The following KANSL1L variants were observed in gnomAD, a reference collection of about 807,000 sequenced individuals.
KANSL1L encodes KAT8 regulatory NSL complex subunit 1 like.
KANSL1L carries 25 observed loss-of-function variants against 108.6 expected under a neutral mutation model. The observed-to-expected ratio is 0.23, with a 90% CI of 0.17 to 0.32. KANSL1L has a LOEUF of 0.32. Among genes scored for constraint, KANSL1L ranks in the 10% least tolerant of loss-of-function variants. The pLI is 1.00. For synonymous variants in KANSL1L, 405 were observed against 395.1 expected, an observed-to-expected ratio of 1.03 and a Z score of -0.30; for missense variants, 1,137 against 1,125.7, an observed-to-expected ratio of 1.01 and a Z score of -0.14.
intron 6 of KANSL1L, among the ~76,000 whole-genome samples, chr2:210,061,883 T>C (rs1203480977): frequency 6.6e-6 from 1 of 152,196 alleles, no homozygotes; most frequent in African/African-American, 2.4e-5. Context: ...ATCAAGCTTA[T>C]GAAAGATGTA....
intron 8 of KANSL1L, among the ~76,000 whole-genome samples, chr2:210,033,499 A>G (rs1414168625): frequency 1.3e-5 from 2 of 152,174 alleles, no homozygotes; most frequent in Non-Finnish European, 2.9e-5. Context: ...TTCTGAAAAC[A>G]TCAAATTTTG....
chr2:210,127,798 CAAAAAAAAA>C, intron 3 of KANSL1L, among the ~76,000 whole-genome samples: 1 of 28,132 alleles, frequency 3.6e-5, no homozygotes. Context: ...GACTCTGCCT[CAAAAAAAAA>C]AAAAAAAAAA....
At chr2:210,126,138 G>A (rs1042447920) in intron 3 of KANSL1L, among the ~76,000 whole-genome samples, 1 of 152,132 alleles carries the variant, frequency 6.6e-6, no homozygotes, top group Non-Finnish European at 1.5e-5. Flanking sequence ...AGATCACACA[G>A]AAGTCAGGTG....
intron 14 of KANSL1L, among the ~76,000 whole-genome samples, chr2:210,023,586 A>T (rs185772741): frequency 5.3e-5 from 8 of 152,254 alleles, no homozygotes; most frequent in Admixed American, 5.2e-4. Context: ...TCCATTCTAG[A>T]TCTAGTTCTT....
At chr2:210,148,323 C>T (rs2125620585) in intron 2 of KANSL1L, among the ~76,000 whole-genome samples, 1 of 152,160 alleles carries the variant, frequency 6.6e-6, no homozygotes, top group South Asian at 2.1e-4. Flanking sequence ...ATCATCATTC[C>T]CCAGGAAAAG....
At chr2:210,093,818 C>T (rs2125393730) in intron 5 of KANSL1L, among the ~76,000 whole-genome samples, 1 of 152,166 alleles carries the variant, frequency 6.6e-6, no homozygotes, top group South Asian at 2.1e-4. Flanking sequence ...AGCCAAGGGA[C>T]AGAAGCAATC....
At chr2:210,062,386 C>T (rs756512915) in intron 6 of KANSL1L, among the ~76,000 whole-genome samples, 4 of 152,050 alleles carry the variant, frequency 2.6e-5, no homozygotes, top group Non-Finnish European at 5.9e-5. Context: ...AGTGTGAAAA[C>T]GGATTAATAC....
In KANSL1L at chr2:210,081,794, ATAAG is replaced by A. The variant is rs1256953345; in HGVS notation, c.1551-6042_1551-6039del. ...TACACCTAAATAATTAGTTTGGTGA[ATAAG>A]TAAATGTTAAACATTTTAGTCTAAG... On this transcript the variant is annotated intron_variant, in intron 5 of 14. Coordinates refer to ENST00000281772, the MANE Select transcript of KANSL1L (RefSeq NM_152519.4). Among the ~76,000 whole-genome samples the A allele has an allele frequency of 2.0e-5, 3 of 152,222 alleles. No homozygotes were observed. The South Asian group carries it at 6.2e-4, about 32-fold the overall frequency.
intron 4 of KANSL1L, among the ~76,000 whole-genome samples, chr2:210,103,272 A>G (rs892566528): frequency 1.3e-5 from 2 of 150,586 alleles, no homozygotes; most frequent in African/African-American, 2.4e-5. Context: ...AACAATGAGA[A>G]GAACACTTGG....
intron 1 of KANSL1L, among the ~76,000 whole-genome samples, chr2:210,168,653 T>G (rs911563098): frequency 3.3e-5 from 5 of 152,112 alleles, no homozygotes; most frequent in Non-Finnish European, 7.4e-5. Flanking sequence ...GATGAAGTTC[T>G]TGGATAATGC....
At chr2:210,037,288 T>C (rs183762741) in intron 8 of KANSL1L, among the ~76,000 whole-genome samples, 45 of 152,302 alleles carry the variant, frequency 3.0e-4, no homozygotes, top group African/African-American at 9.9e-4. Flanking sequence ...TTAGAAACAA[T>C]GTTCTTTAGC....
At chr2:210,093,032 C>A (rs982042868) in intron 5 of KANSL1L, among the ~76,000 whole-genome samples, 2 of 152,152 alleles carry the variant, frequency 1.3e-5, no homozygotes, top group African/African-American at 2.4e-5. Context: ...TGTACCTTTA[C>A]TGTAATGGCA....
intron 8 of KANSL1L, among the ~76,000 whole-genome samples, chr2:210,033,652 C>T (rs1337427249): frequency 6.6e-6 from 1 of 151,854 alleles, no homozygotes; most frequent in Non-Finnish European, 1.5e-5. Flanking sequence ...GCCTCAGCCT[C>T]CCGAGTAGCT....
chr2:210,033,478 AT>A (rs1293907387), intron 8 of KANSL1L, among the ~76,000 whole-genome samples: 1 of 152,184 alleles, frequency 6.6e-6, no homozygotes, highest in Admixed American at 6.5e-5. Flanking sequence ...TCTACAAGCA[AT>A]TCTCCACTCT....
intron 3 of KANSL1L, among the ~76,000 whole-genome samples, chr2:210,105,362 T>C (rs1049862425): frequency 2.1e-5 from 3 of 145,150 alleles, no homozygotes; most frequent in African/African-American, 7.8e-5. Context: ...TATATATATA[T>C]ATTTGAAAAA....
chr2:210,158,850 T>C (rs376618679), intron 1 of KANSL1L, among the ~76,000 whole-genome samples: 1 of 152,222 alleles, frequency 6.6e-6, no homozygotes, highest in East Asian at 1.9e-4. Flanking sequence ...TTCTTCCAAT[T>C]ATTTAAATTA....
At chr2:210,086,123 A>T in intron 5 of KANSL1L, among the ~76,000 whole-genome samples, 1 of 151,970 alleles carries the variant, frequency 6.6e-6, no homozygotes, top group East Asian at 1.9e-4. Flanking sequence ...ATATCCAATT[A>T]AGAAAGGATA....
At chr2:210,043,297 G>A (rs918405091) in intron 7 of KANSL1L, 17 of 153,236 alleles carry the variant, frequency 1.1e-4, no homozygotes, top group African/African-American at 4.1e-4. Flanking sequence ...GCTGAGGTGG[G>A]AGGATTACTT....
At chr2:210,139,947 T>C (rs1347532610) in intron 2 of KANSL1L, among the ~76,000 whole-genome samples, 1 of 152,140 alleles carries the variant, frequency 6.6e-6, no homozygotes, top group East Asian at 1.9e-4. Context: ...TTTGACATGT[T>C]ACCCAAGCTG....
Sources: gnomAD v4.1 joint callset for allele counts (sites outside exome capture counted in the v4.1 genomes callset) on GRCh38, gnomAD v4.1.1 for gene constraint, MANE v1.5 for transcripts, NCBI Gene and HGNC (gene_info 2026-07-23, HGNC 2026-07-21) for gene names.